Variants in ADCY2 observed in about 807,000 individuals in gnomAD.
The protein encoded by ADCY2 is adenylate cyclase type 2.
Under a neutral mutation model 125.2 loss-of-function variants are expected in ADCY2, and 31 were observed. The observed-to-expected ratio is 0.25, with a 90% confidence interval of 0.19 to 0.33. The LOEUF (loss-of-function observed/expected upper bound fraction) is 0.33. Ranked by LOEUF, ADCY2 falls within the 10% of genes least tolerant of loss-of-function variation. ADCY2 has a pLI of 1.00. For missense variants in ADCY2, 904 were observed against 1,418.2 expected, an observed-to-expected ratio of 0.64 and a Z score of 5.82; for synonymous variants, 512 against 548.4, an observed-to-expected ratio of 0.93 and a Z score of 0.93.
At chr5:7,667,405 G>T (rs1398636385) in intron 4 of ADCY2, among the ~76,000 whole-genome samples, 1 of 151,968 alleles carries the variant, frequency 6.6e-6, no homozygotes, top group Non-Finnish European at 1.5e-5. Context: ...CAGCATTCTT[G>T]GTATCTGTTC....
Position 7,411,134 on chromosome 5 carries a change from G to C in ADCY2, c.211-3439G>C, listed in dbSNP as rs116558692. Among the ~76,000 whole-genome samples, 727 of 152,338 alleles carry C rather than the reference G, an allele frequency of 4.8e-3. 4 individuals carry two copies. Among genetic ancestry groups the C allele is most frequent in the African/African-American group, 0.017 (703 of 41,582 alleles). On this transcript the variant is annotated intron_variant, in intron 1 of 24. Transcript: ENST00000338316. ...GCAAGGTTCTCAAAACTCCTTCAGA[G>C]TTAGCATTCAAAGGCAGATACAGAA...
chr5:7,579,175 AG>A (rs1249598503), intron 3 of ADCY2, among the ~76,000 whole-genome samples: 2 of 152,180 alleles, frequency 1.3e-5, no homozygotes, highest in African/African-American at 4.8e-5. Context: ...AACCACCTGA[AG>A]GCACTGGAAA....
chr5:7,472,579 A>G lies in ADCY2; in HGVS notation c.409-48159A>G, dbSNP rs138550121. Among the ~76,000 whole-genome samples the G allele has an allele frequency of 2.0e-4, 31 of 152,068 alleles. 1 individual carries two copies. Among genetic ancestry groups the G allele is most frequent in the Admixed American group, 6.5e-4 (10 of 15,268 alleles). On this transcript the variant is annotated intron_variant, in intron 2 of 24. Transcript: ENST00000338316. ...TCAATTCATTTTCCCTTGCATTTTCATGTGTCTCATAATTTTTGTTTGAAT... is the reference window on the plus strand; with the variant it reads ...TCAATTCATTTTCCCTTGCATTTTCGTGTGTCTCATAATTTTTGTTTGAAT...
intron 2 of ADCY2, among the ~76,000 whole-genome samples, chr5:7,515,372 G>T (rs914451296): frequency 1.3e-5 from 2 of 152,132 alleles, no homozygotes; most frequent in African/African-American, 4.8e-5. Context: ...TATGTTTTGG[G>T]GTAGGCAGGA....
At chr5:7,559,763 G>A (rs147277014) in intron 3 of ADCY2, among the ~76,000 whole-genome samples, 185 of 152,270 alleles carry the variant, frequency 1.2e-3, no homozygotes, top group African/African-American at 4.1e-3. Flanking sequence ...GATTTTCAAG[G>A]GGAATGCTTC....
chr5:7,460,436 A>G (rs1741875118), intron 2 of ADCY2, among the ~76,000 whole-genome samples: 1 of 152,124 alleles, frequency 6.6e-6, no homozygotes, highest in Admixed American at 6.5e-5. Context: ...AACATACACT[A>G]GGCTCTTTTA....
At chr5:7,537,588 T>C (rs1734855348) in intron 3 of ADCY2, among the ~76,000 whole-genome samples, 1 of 152,224 alleles carries the variant, frequency 6.6e-6, no homozygotes, top group South Asian at 2.1e-4. Context: ...CCTCTGCCTC[T>C]GCCCTGGGTC....
intron 3 of ADCY2, among the ~76,000 whole-genome samples, chr5:7,523,802 A>G (rs1022530764): frequency 6.6e-6 from 1 of 152,196 alleles, no homozygotes; most frequent in Non-Finnish European, 1.5e-5. Flanking sequence ...ATGTAACACT[A>G]TGTAAAATAA....
At chr5:7,569,199 C>T (rs1455374269) in intron 3 of ADCY2, among the ~76,000 whole-genome samples, 2 of 152,036 alleles carry the variant, frequency 1.3e-5, no homozygotes, top group Non-Finnish European at 2.9e-5. Context: ...TTTTCAACAC[C>T]TAAGCAACAC....
At chr5:7,737,988 A>C (rs1172736643) in intron 14 of ADCY2, among the ~76,000 whole-genome samples, 1 of 152,218 alleles carries the variant, frequency 6.6e-6, no homozygotes, top group Non-Finnish European at 1.5e-5. Flanking sequence ...GCAAGTAAAA[A>C]AAGAGGGAAT....
intron 11 of ADCY2, among the ~76,000 whole-genome samples, chr5:7,715,568 T>A (rs1391741511): frequency 6.8e-6 from 1 of 147,890 alleles, no homozygotes; most frequent in Non-Finnish European, 1.5e-5. Context: ...TTTTTTTTTT[T>A]AAGGAAAATA....
intron 3 of ADCY2, among the ~76,000 whole-genome samples, chr5:7,565,652 C>T (rs1017810768): frequency 2.0e-5 from 3 of 152,116 alleles, no homozygotes; most frequent in African/African-American, 7.2e-5. Context: ...GCACAGAGTC[C>T]AGGGGGCATG....
chr5:7,710,565 A>C (rs1741407383), intron 10 of ADCY2, among the ~76,000 whole-genome samples: 2 of 152,190 alleles, frequency 1.3e-5, no homozygotes, highest in Non-Finnish European at 2.9e-5. Context: ...AGAAGAACAA[A>C]GTCAGTGGCG....
chr5:7,771,334 G>A (rs1743552081), intron 17 of ADCY2, among the ~76,000 whole-genome samples: 1 of 152,180 alleles, frequency 6.6e-6, no homozygotes, highest in South Asian at 2.1e-4. Context: ...AGAGGCAGAA[G>A]AGTGGAGACT....
chr5:7,635,445 A>G (rs1465685345), intron 4 of ADCY2, among the ~76,000 whole-genome samples: 2 of 152,146 alleles, frequency 1.3e-5, no homozygotes, highest in Non-Finnish European at 1.5e-5. Context: ...TAAAATAATG[A>G]AGAGAACTTT....
chr5:7,651,779 A>G (rs1371499356), intron 4 of ADCY2, among the ~76,000 whole-genome samples: 1 of 151,758 alleles, frequency 6.6e-6, no homozygotes, highest in East Asian at 1.9e-4. Context: ...ATCTCTTCCA[A>G]CCTTCACGTC....
At position 7,821,426 on chromosome 5, in the gene ADCY2, A is replaced by G. The variant is rs557141707; in HGVS notation, c.3123+737A>G. 3.9e-5 allele frequency among the ~76,000 whole-genome samples: 6 copies of G among 152,332 alleles called. No homozygotes were observed. In the East Asian group the frequency reaches 1.2e-3, roughly 29 times the overall value. On this transcript the variant is annotated intron_variant, in intron 24 of 24. Coordinates refer to ENST00000338316, the MANE Select transcript of ADCY2 (RefSeq NM_020546.3). The stretch of plus-strand genomic sequence containing the variant: ...TTACAAAAGAGCAGTGGTTCTGCCC[A>G]GGTTGACAGTGACAGAATCAAGGAA...
intron 2 of ADCY2, among the ~76,000 whole-genome samples, chr5:7,479,733 C>T (rs981393998): frequency 5.3e-5 from 8 of 151,966 alleles, no homozygotes; most frequent in African/African-American, 1.5e-4. Context: ...CCCAGTGTCC[C>T]GTAAATCCCC....
intron 18 of ADCY2, among the ~76,000 whole-genome samples, chr5:7,781,481 C>T (rs371009926): frequency 1.2e-4 from 19 of 152,228 alleles, no homozygotes; most frequent in East Asian, 1.9e-4. Flanking sequence ...AGGAATGCCA[C>T]GTGATGATGA....
Sources: allele counts gnomAD v4.1 joint callset (sites outside exome capture counted in the v4.1 genomes callset), GRCh38; gene constraint gnomAD v4.1.1; transcripts MANE v1.5; gene names NCBI Gene and HGNC (gene_info 2026-07-23, HGNC 2026-07-21).